The following SLC8A1 variants were observed in gnomAD, a reference collection of about 807,000 sequenced individuals.
SLC8A1 encodes sodium/calcium exchanger 1.
In SLC8A1, 18 loss-of-function variants were observed where a neutral mutation model predicts 68.3. The observed-to-expected ratio is 0.26, with a 90% CI of 0.18 to 0.39. The LOEUF (loss-of-function observed/expected upper bound fraction) is 0.39. Among genes scored for constraint, SLC8A1 ranks in the 10% least tolerant of loss-of-function variants. The pLI, the probability that SLC8A1 is intolerant of heterozygous loss-of-function variation, is 1.00. For synonymous variants in SLC8A1, 475 were observed against 415.5 expected (o/e 1.14, Z -1.74); for missense variants, 985 against 1,156.7 (o/e 0.85, Z 2.15).
chr2:40,393,397 C>T (rs1370142428), intron 2 of SLC8A1, among the ~76,000 whole-genome samples: 1 of 152,090 alleles, frequency 6.6e-6, no homozygotes, highest in Non-Finnish European at 1.5e-5. Flanking sequence ...GAAAATCTCA[C>T]ATATAAAATT....
chr2:40,500,921 C>T (rs1322395381), intron 1 of SLC8A1, among the ~76,000 whole-genome samples: 2 of 149,314 alleles, frequency 1.3e-5, no homozygotes, highest in East Asian at 4.0e-4. Flanking sequence ...CATAATCCTC[C>T]AGTGGCTTCT....
Position 40,509,922 on chromosome 2 carries a change from G to T in SLC8A1, c.-25+2427C>A, listed in dbSNP as rs111792140. On this transcript the variant is annotated intron_variant, in intron 1 of 7. Transcript: ENST00000402441. The stretch of plus-strand genomic sequence containing the variant: ...GCCTCCCAGCAATCTCCGCCTCCCA[G>T]GTTCAAGCGATTCTCCTGCCTCAGC... Among the ~76,000 whole-genome samples the T allele has an allele frequency of 4.4e-3, 667 of 152,046 alleles. 4 individuals are homozygous for T. The highest frequency in any genetic ancestry group is 0.015 in the African/African-American group (636 of 41,472).
chr2:40,419,702 T>C lies in SLC8A1; in HGVS notation c.1808+8771A>G, dbSNP rs551111564. ...AGAAGGAAACTTATCCTTGTAACAT[T>C]AGGATTTTTCTTTTTCTTTAATTGC... On this transcript the variant is annotated intron_variant, in intron 2 of 7. Coordinates refer to ENST00000406785, the Ensembl canonical transcript of SLC8A1. Among the ~76,000 whole-genome samples, 42 of 152,276 alleles carry C rather than the reference T, an allele frequency of 2.8e-4. 1 individual carries two copies. The highest frequency in any genetic ancestry group is 1.5e-4 in the Non-Finnish European group (10 of 68,026).
intron 2 of SLC8A1, among the ~76,000 whole-genome samples, chr2:40,328,976 C>T (rs554802688): frequency 6.6e-6 from 1 of 151,846 alleles, no homozygotes; most frequent in Non-Finnish European, 1.5e-5. Flanking sequence ...AAAGCCCAAT[C>T]CAGACACATT....
At chr2:40,387,556 G>C (rs999721846) in intron 2 of SLC8A1, among the ~76,000 whole-genome samples, 1 of 151,314 alleles carries the variant, frequency 6.6e-6, no homozygotes, top group East Asian at 1.9e-4. Context: ...CTGAAGAAAG[G>C]GGCATCCTAG....
intron 2 of SLC8A1, among the ~76,000 whole-genome samples, chr2:40,189,089 T>G (rs1341672990): frequency 6.6e-6 from 1 of 152,192 alleles, no homozygotes; most frequent in Non-Finnish European, 1.5e-5. Context: ...GATTTCTTTT[T>G]TTAAATAAAA....
chr2:40,291,720 G>A (rs969184891), intron 2 of SLC8A1, among the ~76,000 whole-genome samples: 1 of 152,048 alleles, frequency 6.6e-6, no homozygotes, highest in Non-Finnish European at 1.5e-5. Flanking sequence ...AACTTCCAAT[G>A]TCTCTCAATG....
intron 2 of SLC8A1, among the ~76,000 whole-genome samples, chr2:40,230,888 G>A (rs551918256): frequency 6.6e-6 from 1 of 152,322 alleles, no homozygotes; most frequent in East Asian, 1.9e-4. Flanking sequence ...GCAGATGTCT[G>A]CTGCCATCTA....
At chr2:40,097,548 C>A (rs1349123739) in exon 8 of SLC8A1, 1 of 151,866 alleles carries the variant, frequency 6.6e-6, no homozygotes, top group Non-Finnish European at 1.5e-5. Flanking sequence ...TTTCAAATTA[C>A]AACATATCTC....
chr2:40,300,638 A>G (rs926761646), intron 2 of SLC8A1, among the ~76,000 whole-genome samples: 2 of 152,072 alleles, frequency 1.3e-5, no homozygotes, highest in African/African-American at 2.4e-5. Context: ...TGAGGCTTCA[A>G]TTTCACCACA....
intron 2 of SLC8A1, among the ~76,000 whole-genome samples, chr2:40,361,993 C>G (rs550718193): frequency 1.6e-5 from 2 of 128,022 alleles, no homozygotes; most frequent in Non-Finnish European, 3.1e-5. Flanking sequence ...CCTCCGGGTT[C>G]AAGTGATTCT....
Position 40,195,603 on chromosome 2 carries a change from T to C in SLC8A1, c.1809-17748A>G, listed in dbSNP as rs186188041. Among the ~76,000 whole-genome samples the C allele has an allele frequency of 1.4e-3, 207 of 152,212 alleles. 1 individual carries two copies. The highest frequency in any genetic ancestry group is 2.3e-3 in the Non-Finnish European group (153 of 67,980). On this transcript the variant is annotated intron_variant, in intron 2 of 7. Coordinates refer to ENST00000406785, the Ensembl canonical transcript of SLC8A1. ...TATTAATTATTTAAGTAAATAGTGT[T>C]TGCAAGGGTCCGAACATGGGAGAAA...
chr2:40,399,802 C>T (rs1336985968), intron 2 of SLC8A1, among the ~76,000 whole-genome samples: 2 of 152,114 alleles, frequency 1.3e-5, no homozygotes, highest in Non-Finnish European at 2.9e-5. Context: ...AGCCAATTAA[C>T]TAAGGGAGGG....
At position 40,342,954 on chromosome 2, in the gene SLC8A1, A is replaced by G. The variant is rs573259144; in HGVS notation, c.1808+85519T>C. 2.4e-4 allele frequency among the ~76,000 whole-genome samples: 37 copies of G among 152,288 alleles called. 1 individual carries two copies. The highest frequency in any genetic ancestry group is 3.4e-3 in the Middle Eastern group (1 of 294). Reference sequence around the variant, plus strand: ...GCACAGAGGTCCCTCACAGTGTACAATAAGAGATGGTAACCACGATTCCAG... The same window carrying G: ...GCACAGAGGTCCCTCACAGTGTACAGTAAGAGATGGTAACCACGATTCCAG... On this transcript the variant is annotated intron_variant, in intron 2 of 7. Coordinates refer to ENST00000406785, the Ensembl canonical transcript of SLC8A1.
chr2:40,180,426 C>T (rs2049285388), intron 2 of SLC8A1, among the ~76,000 whole-genome samples: 1 of 152,140 alleles, frequency 6.6e-6, no homozygotes, highest in Non-Finnish European at 1.5e-5. Flanking sequence ...AAATGTCTGT[C>T]CTCTTTGTCA....
At position 40,282,407 on chromosome 2, in the gene SLC8A1, T is replaced by C. The variant is rs567900501; in HGVS notation, c.1809-104552A>G. On this transcript the variant is annotated intron_variant, in intron 2 of 7. Transcript: ENST00000406785. ...AAAGACTGTCTCTTCTGTATCTCTG[T>C]ATTACCCAAGACATTGAGCATCCAT... Among the ~76,000 whole-genome samples the C allele has an allele frequency of 3.9e-5, 6 of 152,310 alleles. No individual in the cohort carries two copies. The East Asian group carries it at 5.8e-4, about 15-fold the overall frequency.
chr2:40,220,241 GAGA>G (rs2058122713), intron 2 of SLC8A1: 2 of 151,916 alleles, frequency 1.3e-5, no homozygotes, highest in African/African-American at 2.4e-5. Context: ...AAACAGTGGA[GAGA>G]AGAAGAAAAA....
chr2:40,439,518 G>C (rs549272331), intron 1 of SLC8A1, among the ~76,000 whole-genome samples: 1 of 152,046 alleles, frequency 6.6e-6, no homozygotes, highest in Non-Finnish European at 1.5e-5. Context: ...CTTGGAACTG[G>C]GGATGTTTAA....
chr2:40,101,992 C>G (rs1338048304), exon 8 of SLC8A1: 1 of 152,136 alleles, frequency 6.6e-6, no homozygotes, highest in Non-Finnish European at 1.5e-5. Context: ...CCTAATTGCA[C>G]TCTGGGGACA....
Sources: allele counts gnomAD v4.1 joint callset (sites outside exome capture counted in the v4.1 genomes callset), GRCh38; gene constraint gnomAD v4.1.1; transcripts MANE v1.5; gene names NCBI Gene and HGNC (gene_info 2026-07-23, HGNC 2026-07-21).